Variants in KIAA1671 observed in about 807,000 individuals in gnomAD.
The protein encoded by KIAA1671 is uncharacterized protein KIAA1671.
KIAA1671 carries 52 observed loss-of-function variants against 131.2 expected under a neutral mutation model. The ratio of observed to expected loss-of-function variants is 0.40; its 90% CI spans 0.32 to 0.50. The LOEUF is 0.50. Among genes scored for constraint, KIAA1671 ranks in the 20% least tolerant of loss-of-function variants. The probability of loss-of-function intolerance (pLI) is 0.73; values close to 1 mark genes in which losing one functional copy is unlikely to be tolerated. For synonymous variants in KIAA1671, 1,003 were observed against 961.6 expected (o/e 1.04, Z -0.80); for missense variants, 2,360 against 2,364.2 (o/e 1.00, Z 0.04).
At chr22:25,080,646 T>C (rs1267411850) in intron 6 of KIAA1671, among the ~76,000 whole-genome samples, 1 of 152,174 alleles carries the variant, frequency 6.6e-6, no homozygotes, top group Non-Finnish European at 1.5e-5. Flanking sequence ...ACATCTGGGC[T>C]CAAGTGATCC....
chr22:25,177,255 G>A (rs986391187), intron 8 of KIAA1671, 93 bp from the exon 9 acceptor site: 20 of 1,237,110 alleles, frequency 1.6e-5, no homozygotes, highest in Middle Eastern at 2.8e-4. Context: ...CCTCTCATCT[G>A]TCAACGAAGC....
chr22:24,991,102 C>T (rs1923816921), intron 1 of KIAA1671, among the ~76,000 whole-genome samples: 2 of 152,182 alleles, frequency 1.3e-5, no homozygotes, highest in South Asian at 4.1e-4. Flanking sequence ...TCACTGCAAC[C>T]TCCGCCTTCC....
chr22:25,175,188 CTTCCTT>C (rs1933980033), intron 8 of KIAA1671: 1 of 152,246 alleles, frequency 6.6e-6, no homozygotes, highest in Non-Finnish European at 1.5e-5. Context: ...TCAGGCAGGT[CTTCCTT>C]TTCAACCCTT....
chr22:25,190,712 C>T lies in KIAA1671; in HGVS notation c.5353C>T (p.Pro1785Ser), dbSNP rs1031423681. Residue 1785 changes from proline to serine, a missense_variant, in exon 12 of 13, where the codon CCC becomes TCC. Pro to Ser is a moderately conservative substitution (Grantham distance 74). Transcript: ENST00000358431. ...GCTTTGTGGTTTCAGGTCGGATGAA[C>T]CCTCTCCCCAGTGGCTAAAGGAATT... ...SMDKDERSDEPSPQWLKELKS... is the reference protein window; with the variant it reads ...SMDKDERSDESSPQWLKELKS... The T allele has an allele frequency of 6.4e-7, 1 of 1,551,508 alleles. No homozygotes were observed.
chr22:25,053,047 T>A (rs1927623941), intron 6 of KIAA1671: 1 of 152,024 alleles, frequency 6.6e-6, no homozygotes, highest in Non-Finnish European at 1.5e-5. Context: ...TGCGGCCAGG[T>A]TTTTTTTCTA....
At chr22:25,158,534 G>T (rs938671416) in intron 6 of KIAA1671, among the ~76,000 whole-genome samples, 4 of 152,202 alleles carry the variant, frequency 2.6e-5, no homozygotes, top group Non-Finnish European at 4.4e-5. Context: ...GCTTCCTGGG[G>T]GAGTGGATGC....
At chr22:25,084,405 T>C (rs974179706) in intron 6 of KIAA1671, among the ~76,000 whole-genome samples, 10 of 136,076 alleles carry the variant, frequency 7.3e-5, no homozygotes, top group African/African-American at 2.9e-4. Context: ...AATCGGGAGG[T>C]GGAGATTGCG....
chr22:25,162,605 G>A (rs1327033717), intron 6 of KIAA1671, among the ~76,000 whole-genome samples: 6 of 152,202 alleles, frequency 3.9e-5, no homozygotes, highest in Admixed American at 1.3e-4. Context: ...TCCAACAAAT[G>A]TTTATTCCAC....
chr22:24,959,052 A>T (rs1428243230), intron 1 of KIAA1671, among the ~76,000 whole-genome samples: 1 of 151,636 alleles, frequency 6.6e-6, no homozygotes, highest in Non-Finnish European at 1.5e-5. Flanking sequence ...TGTCCCATCT[A>T]ATTCAGAGGC....
chr22:25,003,077 T>A (rs1009327555), intron 1 of KIAA1671, among the ~76,000 whole-genome samples: 1 of 152,172 alleles, frequency 6.6e-6, no homozygotes, highest in African/African-American at 2.4e-5. Flanking sequence ...CTGGCCTCTT[T>A]GGCATTTGTT....
intron 3 of KIAA1671, among the ~76,000 whole-genome samples, chr22:25,030,153 TTGGTTAATACCGATGTTCTAAGTCAGC>T (rs1926203316): frequency 2.6e-5 from 4 of 152,362 alleles, no homozygotes; most frequent in South Asian, 2.1e-4. Flanking sequence ...TGTCAATCAG[TTGGTTAATACCGATGTTCTAAGTCAGC>T]TGGTTAATAC....
intron 1 of KIAA1671, among the ~76,000 whole-genome samples, chr22:25,017,854 G>C (rs1925414401): frequency 1.3e-5 from 2 of 152,166 alleles, no homozygotes; most frequent in Non-Finnish European, 2.9e-5. Flanking sequence ...GGTGTAACAA[G>C]TGTTACATGT....
At chr22:25,181,276 C>T (rs1399906731) in intron 9 of KIAA1671, among the ~76,000 whole-genome samples, 2 of 152,222 alleles carry the variant, frequency 1.3e-5, no homozygotes, top group Admixed American at 6.5e-5. Context: ...CTTCCTGGTC[C>T]ACCTTTGGGC....
intron 1 of KIAA1671, among the ~76,000 whole-genome samples, chr22:24,999,613 A>G (rs1260557936): frequency 2.0e-5 from 3 of 149,714 alleles, no homozygotes; most frequent in African/African-American, 7.4e-5. Flanking sequence ...CCTAGGCTGG[A>G]GTGCAGTGGT....
intron 6 of KIAA1671, among the ~76,000 whole-genome samples, chr22:25,124,046 CAT>C (rs1191971283): frequency 3.3e-5 from 5 of 152,282 alleles, no homozygotes; most frequent in African/African-American, 7.2e-5. Flanking sequence ...TTTCTTGTCT[CAT>C]GTGTTCTTGC....
chr22:25,099,457 G>A (rs1251012541), intron 6 of KIAA1671, among the ~76,000 whole-genome samples: 1 of 151,058 alleles, frequency 6.6e-6, no homozygotes, highest in Admixed American at 6.6e-5. Context: ...GTACCCTATC[G>A]GAGCAGCCTT....
intron 1 of KIAA1671, among the ~76,000 whole-genome samples, chr22:24,962,755 C>T (rs149707165): frequency 3.5e-4 from 53 of 152,234 alleles, no homozygotes; most frequent in African/African-American, 1.1e-3. Flanking sequence ...GCCACCAGGG[C>T]CTTGGGGAAA....
intron 6 of KIAA1671, among the ~76,000 whole-genome samples, chr22:25,119,966 G>T (rs1367427067): frequency 6.6e-6 from 1 of 152,232 alleles, no homozygotes; most frequent in Non-Finnish European, 1.5e-5. Context: ...GGAGGGTACT[G>T]AGCAAGGGAG....
At chr22:24,961,612 G>C (rs748171471) in intron 1 of KIAA1671, among the ~76,000 whole-genome samples, 1 of 152,224 alleles carries the variant, frequency 6.6e-6, no homozygotes, top group African/African-American at 2.4e-5. Flanking sequence ...CAGCCAGCCA[G>C]GGCGTGTTCT....
Sources: allele counts gnomAD v4.1 joint callset (sites outside exome capture counted in the v4.1 genomes callset), GRCh38; gene constraint gnomAD v4.1.1; transcripts MANE v1.5; gene names NCBI Gene and HGNC (gene_info 2026-07-23, HGNC 2026-07-21).